The following RBM39 variants were observed in gnomAD, a reference collection of about 807,000 sequenced individuals.
RBM39 encodes RNA-binding protein 39.
A neutral mutation model predicts 79.6 loss-of-function variants in RBM39; 12 were observed. The observed-to-expected ratio is 0.15, with a 90% CI of 0.10 to 0.24. The LOEUF (loss-of-function observed/expected upper bound fraction) is 0.24. RBM39 is among the 10% of genes least tolerant of loss of function. The pLI is 1.00. For missense variants in RBM39, 243 were observed against 653.4 expected (o/e 0.37, Z 6.85); for synonymous variants, 185 against 208.4 (o/e 0.89, Z 0.97).
intron 4 of RBM39, among the ~76,000 whole-genome samples, chr20:35,730,116 T>C (rs1276565758): frequency 6.6e-6 from 1 of 152,216 alleles, no homozygotes; most frequent in East Asian, 1.9e-4. Context: ...CTTAACACAC[T>C]ACATACTTCA....
At chr20:35,737,533 C>G (rs528047130) in intron 3 of RBM39, among the ~76,000 whole-genome samples, 1 of 151,206 alleles carries the variant, frequency 6.6e-6, no homozygotes, top group East Asian at 2.0e-4. Context: ...GCGCTCCAGC[C>G]TGGGTGACAA....
At chr20:35,721,652 A>G in intron 9 of RBM39, 88 bp downstream of exon 9, 1 of 1,448,392 alleles carries the variant, frequency 6.9e-7, no homozygotes, top group South Asian at 1.3e-5. Flanking sequence ...TAACTCACAG[A>G]AAGATAACAA....
chr20:35,715,025 G>C (rs73093184), intron 10 of RBM39, among the ~76,000 whole-genome samples: 8 of 152,266 alleles, frequency 5.3e-5, no homozygotes, highest in Non-Finnish European at 8.8e-5. Context: ...GTACGTAACA[G>C]CCTAATGACC....
chr20:35,732,488 G>A (rs1368962320), intron 3 of RBM39: 2 of 224,316 alleles, frequency 8.9e-6, no homozygotes, highest in South Asian at 6.4e-5. Flanking sequence ...CCCGGGAAGC[G>A]GAGGTTGCAG....
chr20:35,718,364 A>T, intron 9 of RBM39, among the ~76,000 whole-genome samples: 1 of 152,052 alleles, frequency 6.6e-6, no homozygotes, highest in East Asian at 1.9e-4. Flanking sequence ...AAGATATTCT[A>T]GGAGCATTAG....
At chr20:35,713,649 C>T (rs1057074257) in intron 11 of RBM39, 1 of 115,776 alleles carries the variant, frequency 8.6e-6, no homozygotes, top group East Asian at 2.4e-4. Flanking sequence ...TAAAAACAAC[C>T]AACCAACCAA....
Position 35,732,081 on chromosome 20 carries a change from A to G in RBM39, c.156T>C (p.Ser52=), listed in dbSNP as rs2039425959. The change falls in exon 4 of 17, where the codon AGT becomes AGC. Residue 52 remains serine, a synonymous_variant. Transcript: ENST00000253363. The part of the protein sequence containing the change: ...SRSHERKRSK[S]KERKRSRDRE... ...TGTCTCTACTTCGCTTCCGTTCCTT[A>G]CTTTTGCTTCTCTTTCGTTCATGAC... is the stretch of plus-strand genomic sequence containing the variant. The G allele has an allele frequency of 1.2e-6, 2 of 1,613,286 alleles. No homozygotes were observed. The highest frequency in any genetic ancestry group is 4.5e-5 in the East Asian group (2 of 44,862).
chr20:35,722,034 G>A (rs186837346), intron 8 of RBM39, among the ~76,000 whole-genome samples, 157 bp from the exon 9 acceptor site: 1 of 152,098 alleles, frequency 6.6e-6, no homozygotes, highest in African/African-American at 2.4e-5. Flanking sequence ...GAGGCATCTA[G>A]AATATGCAAA....
chr20:35,738,159 GA>G (rs373178542), intron 3 of RBM39, among the ~76,000 whole-genome samples: 75 of 138,732 alleles, frequency 5.4e-4, no homozygotes, highest in Middle Eastern at 4.0e-3. Flanking sequence ...CCATGTCAAA[GA>G]AAAAAAAAAA....
chr20:35,728,473 T>A (rs2146662156), intron 6 of RBM39, among the ~76,000 whole-genome samples: 1 of 152,170 alleles, frequency 6.6e-6, no homozygotes, highest in Admixed American at 6.6e-5. Context: ...AATAGGAAAA[T>A]AAGATTACAT....
chr20:35,720,208 G>C (rs2037729982), intron 9 of RBM39, among the ~76,000 whole-genome samples: 1 of 152,122 alleles, frequency 6.6e-6, no homozygotes, highest in Non-Finnish European at 1.5e-5. Context: ...GACAGTCTTG[G>C]CAACTTTCTC....
chr20:35,735,161 T>G, intron 3 of RBM39: 1 of 1,379,946 alleles, frequency 7.2e-7, no homozygotes, highest in East Asian at 2.6e-5. Context: ...CCAATATATT[T>G]CAACTGTGTC....
At chr20:35,730,942 T>A (rs1367804857) in intron 4 of RBM39, among the ~76,000 whole-genome samples, 1 of 152,158 alleles carries the variant, frequency 6.6e-6, no homozygotes, top group Non-Finnish European at 1.5e-5. Flanking sequence ...GAATCGGAAT[T>A]CATGTAATGC....
chr20:35,725,648 A>G (rs950954768), intron 6 of RBM39, among the ~76,000 whole-genome samples: 37 of 143,540 alleles, frequency 2.6e-4, no homozygotes, highest in Admixed American at 3.5e-4. Context: ...TAATTCCCAA[A>G]CCCATTTTCT....
rs2036308218 is a variant in RBM39, at chr20:35,710,854, C to A, written c.1175-1580G>T. 2.6e-5 allele frequency among the ~76,000 whole-genome samples: 4 copies of A among 152,076 alleles called. No individual in the cohort carries two copies. The South Asian group carries it at 8.3e-4, about 31-fold the overall frequency. The stretch of plus-strand genomic sequence containing the variant: ...AGAATGATCTTTAAAATCATCTCTA[C>A]CACCACCAGCACTAAAAAAGGGAAT... On this transcript the variant is annotated intron_variant, in intron 12 of 16. Coordinates refer to ENST00000253363, the MANE Select transcript of RBM39 (RefSeq NM_184234.3).
rs915998173 is a variant in RBM39, at chr20:35,737,043, G to C, written c.101+1925C>G. 1.9e-4 allele frequency among the ~76,000 whole-genome samples: 29 copies of C among 151,222 alleles called. 1 individual carries two copies. The highest frequency in any genetic ancestry group is 1.8e-3 in the Admixed American group (27 of 15,202). ...GGAAGCCAAGGCGGGCGGATCATGA[G>C]GTCAAGAGATGGAGACCATCCTGGC... On this transcript the variant is annotated intron_variant, in intron 3 of 16. Transcript: ENST00000253363.
chr20:35,714,282 C>A lies in RBM39; in HGVS notation c.999G>T (p.Ser333=). ...CACTGTCCAAAAATGAACTAGCACTCGAAGCATCAGTACGTTCAGTAACAT... is the reference window on the plus strand; with the variant it reads ...CACTGTCCAAAAATGAACTAGCACTAGAAGCATCAGTACGTTCAGTAACAT... ...VGHVTERTDA[S]SASSFLDSDE... is the part of the protein sequence containing the mutation. The change falls in exon 11 of 17, where the codon TCG becomes TCT. Residue 333 remains serine, a synonymous_variant. Coordinates refer to ENST00000253363, the MANE Select transcript of RBM39 (RefSeq NM_184234.3). 1 of 1,614,054 alleles carries A rather than the reference C, an allele frequency of 6.2e-7. No individual in the cohort carries two copies. Among genetic ancestry groups the A allele is most frequent in the Non-Finnish European group, 8.5e-7 (1 of 1,179,986 alleles).
rs1234933032 is a variant in RBM39, at chr20:35,707,110, C to T, written c.1307+10G>A. ...GATAGGAAATATCAAGAATAAAGTC[C>T]ATTACTTACGTTTGAGGGTTAAACA... On this transcript the variant is annotated intron_variant, in intron 14 of 16. Coordinates refer to ENST00000253363, the MANE Select transcript of RBM39 (RefSeq NM_184234.3). 6.6e-7 allele frequency: 1 copy of T among 1,517,792 alleles called. No individual in the cohort carries two copies. The highest frequency in any genetic ancestry group is 9.0e-7 in the Non-Finnish European group (1 of 1,108,776). The allele number at this position is 1,517,792 out of a possible 1,614,324, so 94.0% of individuals were successfully genotyped here.
intron 12 of RBM39, among the ~76,000 whole-genome samples, chr20:35,711,391 G>A (rs1034427738): frequency 3.9e-5 from 6 of 152,158 alleles, no homozygotes; most frequent in African/African-American, 1.4e-4. Flanking sequence ...ATTACTCACT[G>A]TAAAGGATCG....
Sources: allele counts gnomAD v4.1 joint callset (sites outside exome capture counted in the v4.1 genomes callset), GRCh38; gene constraint gnomAD v4.1.1; transcripts MANE v1.5; gene names NCBI Gene and HGNC (gene_info 2026-07-23, HGNC 2026-07-21).